CDH13: variants seen among roughly 807,000 people sequenced by gnomAD.
CDH13 encodes the protein cadherin-13.
Under a neutral mutation model 63.8 loss-of-function variants are expected in CDH13, and 24 were observed. The observed-to-expected ratio is 0.38, with a 90% confidence interval of 0.27 to 0.53. The LOEUF is 0.53. Among genes scored for constraint, CDH13 ranks in the 20% least tolerant of loss-of-function variants. The probability of loss-of-function intolerance (pLI) is 0.85; values close to 1 mark genes in which losing one functional copy is unlikely to be tolerated. For missense variants in CDH13, 1,049 were observed against 903.1 expected (o/e 1.16, Z -2.07); for synonymous variants, 503 against 355.3 (o/e 1.42, Z -4.67).
intron 4 of CDH13, among the ~76,000 whole-genome samples, chr16:83,204,886 AG>A (rs554143863): frequency 5.9e-5 from 9 of 152,350 alleles, no homozygotes; most frequent in Admixed American, 2.0e-4. Context: ...GAATGTATCT[AG>A]GCACACTAGA....
At chr16:83,254,237 C>T (rs1905937781) in intron 5 of CDH13, among the ~76,000 whole-genome samples, 1 of 152,188 alleles carries the variant, frequency 6.6e-6, no homozygotes, top group Non-Finnish European at 1.5e-5. Flanking sequence ...ACAGCGAAGT[C>T]ACGGAGCTGC....
At chr16:82,672,400 C>A (rs1348587721) in intron 1 of CDH13, among the ~76,000 whole-genome samples, 1 of 152,112 alleles carries the variant, frequency 6.6e-6, no homozygotes, top group African/African-American at 2.4e-5. Context: ...TGCACCACCA[C>A]CTTAAACTCG....
At chr16:83,326,507 A>C (rs796151786) in intron 5 of CDH13, among the ~76,000 whole-genome samples, 10 of 151,594 alleles carry the variant, frequency 6.6e-5, no homozygotes, top group African/African-American at 2.4e-4. Flanking sequence ...TGTGTGACCT[A>C]CAAGAATGGC....
At position 83,047,152 on chromosome 16, in the gene CDH13, G is replaced by A. The variant is rs955599334; in HGVS notation, c.366+14934G>A. Among the ~76,000 whole-genome samples, 48 of 152,112 alleles carry A rather than the reference G, an allele frequency of 3.2e-4. No individual in the cohort carries two copies. The highest frequency in any genetic ancestry group is 5.1e-4 in the Non-Finnish European group (35 of 68,040). ...TTTAAACAGTAGTAGTTCTCCGTGA[G>A]ACCCAAGGAAAGGTCTGCAGACTAT... On this transcript the variant is annotated intron_variant, in intron 3 of 13. Transcript: ENST00000567109. This position sits in a 1 kb window ranked among gnomAD's most constrained non-coding sequence, Gnocchi z 4.9.
intron 1 of CDH13, among the ~76,000 whole-genome samples, chr16:82,681,007 G>A (rs1914482504): frequency 6.6e-6 from 1 of 152,222 alleles, no homozygotes; most frequent in Non-Finnish European, 1.5e-5. Flanking sequence ...TGCCTACAAA[G>A]GCCAGTGTCT....
intron 1 of CDH13, among the ~76,000 whole-genome samples, chr16:82,750,780 G>C (rs1381256080): frequency 6.9e-6 from 1 of 145,492 alleles, no homozygotes; most frequent in African/African-American, 2.5e-5. Context: ...GGCTTAAGCT[G>C]ATTTTTTTTT....
chr16:83,530,302 T>A (rs1405267041), intron 7 of CDH13, among the ~76,000 whole-genome samples: 1 of 152,192 alleles, frequency 6.6e-6, no homozygotes, highest in Admixed American at 6.5e-5. Context: ...TCTCCATAGC[T>A]TGAATTTTGT....
chr16:83,663,682 G>A (rs897241480), intron 8 of CDH13, among the ~76,000 whole-genome samples: 10 of 152,262 alleles, frequency 6.6e-5, no homozygotes, highest in African/African-American at 1.9e-4. Flanking sequence ...GGTTGTCTGT[G>A]TTTGAGAGGC....
chr16:83,122,874 C>G (rs1029239255), intron 3 of CDH13, among the ~76,000 whole-genome samples: 1 of 152,104 alleles, frequency 6.6e-6, no homozygotes. Flanking sequence ...GAACCCATCA[C>G]CCAAAGAGTG....
At chr16:83,691,628 C>G (rs906783817) in intron 10 of CDH13, among the ~76,000 whole-genome samples, 1 of 152,072 alleles carries the variant, frequency 6.6e-6, no homozygotes, top group African/African-American at 2.4e-5. Context: ...CAGCACAGTT[C>G]CGTACAACGG....
At chr16:82,949,046 A>C (rs1051993016) in intron 2 of CDH13, among the ~76,000 whole-genome samples, 22 of 152,152 alleles carry the variant, frequency 1.4e-4, no homozygotes, top group Non-Finnish European at 2.1e-4. Context: ...ACCCTGTGTA[A>C]ACCTCCTTAT....
At chr16:82,947,380 T>C (rs1904848122) in intron 2 of CDH13, among the ~76,000 whole-genome samples, 1 of 152,172 alleles carries the variant, frequency 6.6e-6, no homozygotes, top group Non-Finnish European at 1.5e-5. Context: ...TAAAAAATAT[T>C]ATAGTTGCAA....
intron 7 of CDH13, among the ~76,000 whole-genome samples, chr16:83,579,260 C>G (rs965091772): frequency 6.6e-4 from 101 of 152,140 alleles, no homozygotes; most frequent in African/African-American, 2.4e-3. Context: ...GAGAGCCATC[C>G]TAAGGCTGAC....
Position 83,505,902 on chromosome 16 carries a change from G to T in CDH13, c.960+19247G>T, listed in dbSNP as rs114272641. ...AGCCTCCATTGCCAACATTGCAAAC[G>T]CATCAGCATGTTCCTTCCTTCAACA... On this transcript the variant is annotated intron_variant, in intron 7 of 13. Transcript: ENST00000567109. Among the ~76,000 whole-genome samples, 585 of 152,290 alleles carry T rather than the reference G, an allele frequency of 3.8e-3. 1 individual carries two copies. Among genetic ancestry groups the T allele is most frequent in the African/African-American group, 0.013 (553 of 41,564 alleles).
intron 1 of CDH13, among the ~76,000 whole-genome samples, chr16:82,674,510 G>T (rs775507036): frequency 6.6e-6 from 1 of 152,208 alleles, no homozygotes; most frequent in Non-Finnish European, 1.5e-5. Flanking sequence ...GTTAACCACA[G>T]CAGGGGCAAG....
chr16:82,649,192 A>G (rs1910449337), intron 1 of CDH13, among the ~76,000 whole-genome samples: 1 of 152,218 alleles, frequency 6.6e-6, no homozygotes, highest in South Asian at 2.1e-4. Flanking sequence ...AAATGACATA[A>G]TAGAAGATTA....
intron 2 of CDH13, among the ~76,000 whole-genome samples, chr16:83,023,862 G>A (rs1030417176): frequency 2.6e-5 from 4 of 152,178 alleles, no homozygotes; most frequent in African/African-American, 9.7e-5. Flanking sequence ...TTCTCCAGGA[G>A]AAAGAAGAAA....
In CDH13 at chr16:83,051,524, A is replaced by G. The variant is rs558419504; in HGVS notation, c.366+19306A>G. On this transcript the variant is annotated intron_variant, in intron 3 of 13. Coordinates refer to ENST00000567109, the MANE Select transcript of CDH13 (RefSeq NM_001257.5). ...CTTTCTTTGAGATCTGTAATTAATC[A>G]TGGTGAAAATAATGCTACAGAAACA... Among the ~76,000 whole-genome samples, 146 of 152,256 alleles carry G rather than the reference A, an allele frequency of 9.6e-4. 1 individual carries two copies. Among genetic ancestry groups the G allele is most frequent in the Non-Finnish European group, 1.7e-3 (115 of 68,052 alleles).
intron 1 of CDH13, among the ~76,000 whole-genome samples, chr16:82,789,319 T>C (rs1179442299): frequency 6.6e-6 from 1 of 152,098 alleles, no homozygotes; most frequent in Non-Finnish European, 1.5e-5. Context: ...TTAAAAACAG[T>C]GATTGTGAAC....
Sources: allele counts gnomAD v4.1 joint callset (sites outside exome capture counted in the v4.1 genomes callset), GRCh38; gene constraint gnomAD v4.1.1; non-coding constraint Gnocchi (gnomAD v3.1); transcripts MANE v1.5; gene names NCBI Gene and HGNC (gene_info 2026-07-23, HGNC 2026-07-21).